The following EYS variants were observed in gnomAD, a reference collection of about 807,000 sequenced individuals.
EYS encodes protein eyes shut homolog.
A neutral mutation model predicts 282.1 loss-of-function variants in EYS; 250 were observed. That is an observed-to-expected ratio of 0.89 (90% CI 0.80 to 0.98). EYS has a LOEUF of 0.98. Among genes scored for constraint, EYS ranks in the 50% least tolerant of loss-of-function variants. The pLI, the probability that EYS is intolerant of heterozygous loss-of-function variation, is 0.00. For synonymous variants in EYS, 1,355 were observed against 1,282.9 expected (o/e 1.06, Z -1.20); for missense variants, 4,016 against 3,709.0 (o/e 1.08, Z -2.15).
chr6:64,158,150 G>A (rs994623561), intron 31 of EYS, among the ~76,000 whole-genome samples: 2 of 152,104 alleles, frequency 1.3e-5, no homozygotes, highest in Non-Finnish European at 2.9e-5. Context: ...GCTTATTTCT[G>A]CACAGTACCT....
intron 22 of EYS, among the ~76,000 whole-genome samples, chr6:64,793,433 G>T (rs1316168603): frequency 6.6e-6 from 1 of 152,122 alleles, no homozygotes. Context: ...AGGATCTTAA[G>T]TAATAGTAGG....
At position 65,237,205 on chromosome 6, in the gene EYS, C is replaced by T. The variant is rs527827190; in HGVS notation, c.2023+58658G>A. ...CCAAATAAATTTGTATAAAAATTAGCTCTGCACTTTGCTCACTATAACTGT... is the reference window on the plus strand; with the variant it reads ...CCAAATAAATTTGTATAAAAATTAGTTCTGCACTTTGCTCACTATAACTGT... On this transcript the variant is annotated intron_variant, in intron 12 of 42. Coordinates refer to ENST00000503581, the MANE Select transcript of EYS (RefSeq NM_001142800.2). Among the ~76,000 whole-genome samples the T allele has an allele frequency of 1.9e-3, 288 of 152,248 alleles. 1 individual carries two copies. The highest frequency in any genetic ancestry group is 4.6e-3 in the South Asian group (22 of 4,822).
At chr6:64,750,411 G>T (rs1398405307) in intron 22 of EYS, among the ~76,000 whole-genome samples, 1 of 72,978 alleles carries the variant, frequency 1.4e-5, no homozygotes, top group African/African-American at 4.1e-5. Context: ...CAGCAAATAA[G>T]AGGGAAAGTA....
At chr6:65,095,618 G>C (rs539013829) in intron 12 of EYS, among the ~76,000 whole-genome samples, 3 of 151,190 alleles carry the variant, frequency 2.0e-5, no homozygotes. Flanking sequence ...CCCAGTACCA[G>C]ATAGCTTCAC....
chr6:63,880,121 G>C (rs1263721856), intron 35 of EYS, among the ~76,000 whole-genome samples: 1 of 152,152 alleles, frequency 6.6e-6, no homozygotes, highest in African/African-American at 2.4e-5. Context: ...TGGATTGAAG[G>C]ATGCAAGGTA....
At chr6:64,390,194 G>T (rs1053167411) in intron 28 of EYS, among the ~76,000 whole-genome samples, 32 of 152,280 alleles carry the variant, frequency 2.1e-4, no homozygotes, top group Non-Finnish European at 3.4e-4. Context: ...GCGAGGCTGG[G>T]GGAGGGGTGC....
At chr6:63,819,017 G>T (rs535099501) in intron 36 of EYS, among the ~76,000 whole-genome samples, 1 of 152,180 alleles carries the variant, frequency 6.6e-6, no homozygotes, top group African/African-American at 2.4e-5. Context: ...TTTTGTTTTT[G>T]TTTTTCCATA....
Position 63,980,497 on chromosome 6 carries a change from C to T in EYS, c.7055+3886G>A, listed in dbSNP as rs559872293. 1.8e-3 allele frequency among the ~76,000 whole-genome samples: 266 copies of T among 151,938 alleles called. 2 individuals carry two copies. Among genetic ancestry groups the T allele is most frequent in the Non-Finnish European group, 2.9e-3 (197 of 67,872 alleles). ...AGCAGAGAGGTAAAAGGGCTTTCTT[C>T]CTGTCTCTGTAATAATCACTCTTTT... On this transcript the variant is annotated intron_variant, in intron 35 of 42. Coordinates refer to ENST00000503581, the MANE Select transcript of EYS (RefSeq NM_001142800.2).
intron 35 of EYS, among the ~76,000 whole-genome samples, chr6:63,877,245 A>G (rs1772999592): frequency 6.6e-6 from 1 of 152,116 alleles, no homozygotes; most frequent in African/African-American, 2.4e-5. Flanking sequence ...GTTTGGCTGG[A>G]TATGAAATTC....
intron 22 of EYS, among the ~76,000 whole-genome samples, chr6:64,682,053 T>G (rs1769918255): frequency 6.6e-6 from 1 of 152,140 alleles, no homozygotes; most frequent in African/African-American, 2.4e-5. Flanking sequence ...CAGTTAATAT[T>G]CTCTCAACCC....
intron 30 of EYS, among the ~76,000 whole-genome samples, chr6:64,296,592 ATATATATTTTT>A (rs1769029695): frequency 2.2e-4 from 1 of 4,500 alleles, no homozygotes; most frequent in African/African-American, 8.3e-4. Context: ...ATACATATAT[ATATATATTTTT>A]TTTTTTTTTT....
intron 11 of EYS, among the ~76,000 whole-genome samples, chr6:65,300,576 T>C (rs1374995990): frequency 6.6e-6 from 1 of 152,162 alleles, no homozygotes; most frequent in Admixed American, 6.5e-5. Flanking sequence ...AGTTAGAGAA[T>C]TTCCTAACTT....
At chr6:65,544,030 G>GTGTGTGTGTGTT (rs1768286983) in intron 2 of EYS, among the ~76,000 whole-genome samples, 8 of 108,906 alleles carry the variant, frequency 7.3e-5, no homozygotes, top group Admixed American at 4.5e-4. Context: ...GTGTGTGTGT[G>GTGTGTGTGTGTT]AGAGAGAGAG....
intron 19 of EYS, among the ~76,000 whole-genome samples, chr6:64,864,381 C>A (rs9351459): frequency 1 from 131,302 of 131,336 alleles, 65,635 homozygotes; most frequent in Middle Eastern, 1. Context: ...AGGTGCTATA[C>A]CTTCTTTTTT....
intron 30 of EYS, among the ~76,000 whole-genome samples, chr6:64,241,026 G>A (rs1335408869): frequency 6.6e-6 from 1 of 152,102 alleles, no homozygotes; most frequent in Non-Finnish European, 1.5e-5. Flanking sequence ...TTTTGTCATT[G>A]TTTCTGTTTG....
chr6:64,342,516 G>T (rs1771162980), intron 29 of EYS, among the ~76,000 whole-genome samples: 1 of 151,956 alleles, frequency 6.6e-6, no homozygotes, highest in South Asian at 2.1e-4. Context: ...AGCAAATGCT[G>T]AGAGATTTTG....
chr6:64,144,585 C>G (rs113170840), intron 31 of EYS, among the ~76,000 whole-genome samples: 3,812 of 152,210 alleles, frequency 0.025, 147 homozygotes, highest in African/African-American at 0.087. Flanking sequence ...TTGTTTTCCA[C>G]GTTCTCCTAC....
chr6:64,026,507 A>G (rs1228802067), intron 33 of EYS, among the ~76,000 whole-genome samples: 1 of 152,176 alleles, frequency 6.6e-6, no homozygotes, highest in Non-Finnish European at 1.5e-5. Context: ...GATGGGAAAA[A>G]TGGCCACCTG....
intron 33 of EYS, among the ~76,000 whole-genome samples, chr6:64,003,569 T>C (rs1230272159): frequency 6.6e-6 from 1 of 152,078 alleles, no homozygotes; most frequent in African/African-American, 2.4e-5. Context: ...AATATAGACA[T>C]CCACTATGGA....
Sources: gnomAD v4.1 joint callset for allele counts (sites outside exome capture counted in the v4.1 genomes callset) on GRCh38, gnomAD v4.1.1 for gene constraint, MANE v1.5 for transcripts, NCBI Gene and HGNC (gene_info 2026-07-23, HGNC 2026-07-21) for gene names.